Variants in SLCO3A1 observed in about 807,000 individuals in gnomAD.
The protein encoded by SLCO3A1 is solute carrier organic anion transporter family member 3A1, also known as PGE1 transporter.
A neutral mutation model predicts 63.1 loss-of-function variants in SLCO3A1; 27 were observed. That is an observed-to-expected ratio of 0.43 (90% CI 0.32 to 0.59). The LOEUF (loss-of-function observed/expected upper bound fraction) is 0.59. SLCO3A1 is among the 20% of genes least tolerant of loss of function. The pLI is 0.09. For missense variants in SLCO3A1, 773 were observed against 945.8 expected, an observed-to-expected ratio of 0.82 and a Z score of 2.40; for synonymous variants, 473 against 409.9, an observed-to-expected ratio of 1.15 and a Z score of -1.86.
Position 92,147,052 on chromosome 15 carries a change from C to T in SLCO3A1, c.1581C>T (p.Cys527=). ...AENATVVPGK[C]PSPGCQEAFL... is the part of the protein sequence containing the mutation. ...ACGCAACCGTGGTTCCTGGAAAATGCCCCAGTCCTGGGTGCCAAGAGGCCT... is the reference window on the plus strand; with the variant it reads ...ACGCAACCGTGGTTCCTGGAAAATGTCCCAGTCCTGGGTGCCAAGAGGCCT... Residue 527 remains cysteine, a synonymous_variant, in exon 8 of 10, where the codon TGC becomes TGT. Transcript: ENST00000318445. The T allele has an allele frequency of 6.2e-7, 1 of 1,614,170 alleles. No individual in the cohort carries two copies. The highest frequency in any genetic ancestry group is 8.5e-7 in the Non-Finnish European group (1 of 1,179,990).
rs79067074 is a variant in SLCO3A1 at position 91,902,099 on chromosome 15, T to C, written c.181-13894T>C. On this transcript the variant is annotated intron_variant, in intron 1 of 9. Coordinates refer to ENST00000318445, the MANE Select transcript of SLCO3A1 (RefSeq NM_013272.4). ...CTTTCTTCTGACATCTCATATCTGA[T>C]ATCAAGCTCCTTTTGTGAATTTTTT... Among the ~76,000 whole-genome samples, 35 of 152,326 alleles carry C rather than the reference T, an allele frequency of 2.3e-4. No homozygotes were observed. The East Asian group carries it at 4.6e-3, about 20-fold the overall frequency.
At chr15:92,074,411 A>G (rs762309447) in intron 2 of SLCO3A1, among the ~76,000 whole-genome samples, 1 of 152,120 alleles carries the variant, frequency 6.6e-6, no homozygotes, top group African/African-American at 2.4e-5. Context: ...ACCAGAAGTG[A>G]TCTTCCAGAA....
chr15:92,014,596 CACAAA>C (rs2046405046), intron 2 of SLCO3A1, among the ~76,000 whole-genome samples: 1 of 152,156 alleles, frequency 6.6e-6, no homozygotes, highest in Admixed American at 6.5e-5. Flanking sequence ...TCCTCCTTGT[CACAAA>C]ACACCCACCT....
rs117947320 is a variant in SLCO3A1 at position 92,088,956 on chromosome 15, A to G, written c.647-5925A>G. Among the ~76,000 whole-genome samples, 338 of 152,210 alleles carry G rather than the reference A, an allele frequency of 2.2e-3. 9 individuals are homozygous for G. The East Asian group carries it at 0.04, about 18-fold the overall frequency. ...TTTGGGGGCCACTGTTCTTCCTGCC[A>G]TGGTAGTGGAACCCCTGTGAGTCCA... On this transcript the variant is annotated intron_variant, in intron 2 of 9. Coordinates refer to ENST00000318445, the MANE Select transcript of SLCO3A1 (RefSeq NM_013272.4).
chr15:92,012,587 G>A (rs1597218792), intron 2 of SLCO3A1, among the ~76,000 whole-genome samples: 1 of 152,218 alleles, frequency 6.6e-6, no homozygotes. Context: ...TGTAGACTGT[G>A]ATGAAGAACC....
intron 2 of SLCO3A1, among the ~76,000 whole-genome samples, chr15:91,946,808 T>A (rs1055518921): frequency 6.6e-6 from 1 of 152,226 alleles, no homozygotes; most frequent in Admixed American, 6.5e-5. Context: ...AGCAAATGAC[T>A]GGAGTTACCA....
chr15:92,136,890 C>T (rs6496896), intron 7 of SLCO3A1, among the ~76,000 whole-genome samples: 44,239 of 150,496 alleles, frequency 0.29, 6,783 homozygotes, highest in African/African-American at 0.34. Flanking sequence ...GGAGTTATTT[C>T]TAAATTAGTA....
chr15:91,997,867 G>A (rs1027722857), intron 2 of SLCO3A1, among the ~76,000 whole-genome samples: 2 of 152,126 alleles, frequency 1.3e-5, no homozygotes, highest in African/African-American at 4.8e-5. Flanking sequence ...ACTCAAGATG[G>A]ATTAAATATT....
rs536274476 is a variant in SLCO3A1 at position 92,001,870 on chromosome 15, C to G, written c.646+85412C>G. Among the ~76,000 whole-genome samples the G allele has an allele frequency of 2.8e-3, 343 of 121,560 alleles. 1 individual carries two copies. The highest frequency in any genetic ancestry group is 0.01 in the African/African-American group (321 of 30,926). The allele number at this position is 121,560 out of a possible 152,430, so 79.7% of individuals were successfully genotyped here. A position where few individuals can be genotyped will look rare whatever the true frequency, so the allele number is the denominator to read the frequency against. ...TTTTTTTTTGAGACGGAGTCTCGCT[C>G]TGTCACCCAGGCTGGAGTGCAGTGG... On this transcript the variant is annotated intron_variant, in intron 2 of 9. Coordinates refer to ENST00000318445, the MANE Select transcript of SLCO3A1 (RefSeq NM_013272.4).
At chr15:92,072,653 G>A (rs62008607) in intron 2 of SLCO3A1, among the ~76,000 whole-genome samples, 1,647 of 152,268 alleles carry the variant, frequency 0.011, 20 homozygotes, top group Non-Finnish European at 0.015. Context: ...AGCCAGGGGA[G>A]AATCCTTCCT....
At chr15:92,096,629 C>T (rs970377937) in intron 3 of SLCO3A1, among the ~76,000 whole-genome samples, 1 of 152,212 alleles carries the variant, frequency 6.6e-6, no homozygotes, top group Admixed American at 6.5e-5. Flanking sequence ...TAAGAATTCT[C>T]AGTCCCCAGG....
intron 2 of SLCO3A1, among the ~76,000 whole-genome samples, chr15:91,917,177 T>C (rs1898689997): frequency 6.6e-6 from 1 of 152,138 alleles, no homozygotes; most frequent in African/African-American, 2.4e-5. Context: ...AGGTGAGGGC[T>C]GGCCAGCCCC....
At chr15:92,001,500 G>T (rs915234969) in intron 2 of SLCO3A1, among the ~76,000 whole-genome samples, 45 of 152,216 alleles carry the variant, frequency 3.0e-4, no homozygotes, top group African/African-American at 1.0e-3. Flanking sequence ...CCGCTGGCCT[G>T]CTGTGCCAGT....
chr15:91,911,606 A>T (rs1231709808), intron 1 of SLCO3A1, among the ~76,000 whole-genome samples: 1 of 152,074 alleles, frequency 6.6e-6, no homozygotes, highest in Non-Finnish European at 1.5e-5. Context: ...CTATATATAT[A>T]CGTATCTATA....
chr15:91,857,753 G>T lies in SLCO3A1; in HGVS notation c.180+3665G>T, dbSNP rs139579238. 7.0e-3 allele frequency among the ~76,000 whole-genome samples: 1,063 copies of T among 152,206 alleles called. 15 individuals carry two copies. The highest frequency in any genetic ancestry group is 0.024 in the African/African-American group (1,003 of 41,530). ...TTCTGTGTGGTATCAAATTACTGAG[G>T]ACTGGAGTAGATAAGGGTGTGTACA... On this transcript the variant is annotated intron_variant, in intron 1 of 9. Coordinates refer to ENST00000318445, the MANE Select transcript of SLCO3A1 (RefSeq NM_013272.4).
intron 9 of SLCO3A1, chr15:92,153,576 T>C (rs1217829841): frequency 6.6e-6 from 1 of 152,270 alleles, no homozygotes. Flanking sequence ...ATCAACTTTT[T>C]TGCTGGCCTA....
intron 2 of SLCO3A1, among the ~76,000 whole-genome samples, chr15:92,028,862 G>C (rs117755163): frequency 1.0e-4 from 15 of 149,320 alleles, no homozygotes; most frequent in African/African-American, 2.2e-4. Context: ...TTTTGCTGGC[G>C]TATCAGTTAG....
intron 6 of SLCO3A1, 28 bp from the exon 7 acceptor site, chr15:92,128,323 T>C (rs370494538): frequency 2.0e-4 from 330 of 1,613,440 alleles, no homozygotes; most frequent in Non-Finnish European, 2.5e-4. Flanking sequence ...CTGTTTCTAA[T>C]GGCTTCCGTG....
intron 2 of SLCO3A1, among the ~76,000 whole-genome samples, chr15:91,926,550 T>C (rs903734825): frequency 1.9e-4 from 27 of 145,292 alleles, no homozygotes; most frequent in African/African-American, 5.0e-4. Flanking sequence ...ATTTCATTCC[T>C]GCCAAGCCGT....
Sources: allele counts gnomAD v4.1 joint callset (sites outside exome capture counted in the v4.1 genomes callset), GRCh38; gene constraint gnomAD v4.1.1; transcripts MANE v1.5; gene names NCBI Gene and HGNC (gene_info 2026-07-23, HGNC 2026-07-21).